Variants in RPL11 observed in about 807,000 individuals in gnomAD.
RPL11 encodes the protein large ribosomal subunit protein uL5.
In RPL11, 3 loss-of-function variants were observed where a neutral mutation model predicts 24.1. That is an observed-to-expected ratio of 0.12 (90% CI 0.06 to 0.32). RPL11 has a LOEUF of 0.32. Ranked by LOEUF, RPL11 falls within the 10% of genes least tolerant of loss-of-function variation. The pLI is 1.00. For missense variants in RPL11, 146 were observed against 225.7 expected, an observed-to-expected ratio of 0.65 and a Z score of 2.26; for synonymous variants, 96 against 75.7, an observed-to-expected ratio of 1.27 and a Z score of -1.39.
intron 1 of RPL11, chr1:23,692,125 CTT>C (rs1644503940): frequency 1.1e-5 from 6 of 554,402 alleles, no homozygotes; most frequent in Middle Eastern, 4.8e-4. Flanking sequence ...GGGTCCGGGC[CTT>C]TTCCTGGTCC....
intron 3 of RPL11, 136 bp from the exon 4 acceptor site, chr1:23,694,524 T>C (rs1209768701): frequency 8.6e-7 from 1 of 1,162,272 alleles, no homozygotes; most frequent in Non-Finnish European, 1.3e-6. Flanking sequence ...GGAAGTCAGG[T>C]TGTGTTCTCA....
chr1:23,691,979 A>G (rs904858251), intron 1 of RPL11, 150 bp downstream of exon 1: 28 of 1,063,832 alleles, frequency 2.6e-5, no homozygotes, highest in Non-Finnish European at 3.9e-5. Flanking sequence ...CGAGCCAAGG[A>G]CGCAGGGTTG....
intron 5 of RPL11, among the ~76,000 whole-genome samples, chr1:23,696,109 A>G (rs1030521816): frequency 1.3e-5 from 2 of 152,168 alleles, no homozygotes; most frequent in Non-Finnish European, 2.9e-5. Flanking sequence ...GTCACCATGA[A>G]TGGGGGTAGA....
chr1:23,694,548 G>T, intron 3 of RPL11, 112 bp from the exon 4 acceptor site: 1 of 1,462,942 alleles, frequency 6.8e-7, no homozygotes, highest in Non-Finnish European at 9.5e-7. Context: ...AAGTTTCATT[G>T]ACTTCTGTTT....
intron 3 of RPL11, among the ~76,000 whole-genome samples, chr1:23,694,371 C>G (rs1557435233): frequency 6.7e-6 from 1 of 150,224 alleles, no homozygotes; most frequent in African/African-American, 2.5e-5. Context: ...GAGTGAGACT[C>G]TTGTCTCAAA....
Position 23,695,842 on chromosome 1 carries a change from G to T in RPL11, c.441G>T (p.Arg147Ser). 3.1e-6 allele frequency: 5 copies of T among 1,601,486 alleles called. No individual in the cohort carries two copies. The highest frequency in any genetic ancestry group is 4.3e-6 in the Non-Finnish European group (5 of 1,174,316). The change falls in exon 5 of 6, where the codon AGG becomes AGT. Residue 147 changes from arginine (R) to serine (S), a missense_variant. Arg to Ser is a moderately radical substitution (Grantham distance 110, BLOSUM62 -1). Transcript: ENST00000643754. Reference sequence around the variant, plus strand: ...TCAGCATCGCAGACAAGAAGCGCAGGACAGGCTGCATTGGGGCCAAACACA... The same window carrying T: ...TCAGCATCGCAGACAAGAAGCGCAGTACAGGCTGCATTGGGGCCAAACACA... ...PGFSIADKKR[R>S]TGCIGAKHRI...
chr1:23,692,351 T>C (rs865873789), intron 1 of RPL11: 16 of 485,510 alleles, frequency 3.3e-5, no homozygotes, highest in Middle Eastern at 5.8e-4. Flanking sequence ...CCTCTTAGGG[T>C]TCGATCTCAG....
chr1:23,692,577 A>C, intron 1 of RPL11, 32 bp from the exon 2 acceptor site: 1 of 1,613,936 alleles, frequency 6.2e-7, no homozygotes, highest in Non-Finnish European at 8.5e-7. Flanking sequence ...CTCAGCTGTG[A>C]GTGTATTGAC....
chr1:23,694,331 T>C (rs1007585856), intron 3 of RPL11, among the ~76,000 whole-genome samples: 4 of 152,098 alleles, frequency 2.6e-5, no homozygotes, highest in African/African-American at 9.7e-5. Context: ...TGAGCTGATA[T>C]TGTGCCACTG....
chr1:23,693,688 TAA>T (rs1474264107), intron 2 of RPL11, 117 bp from the exon 3 acceptor site: 5 of 732,146 alleles, frequency 6.8e-6, no homozygotes, highest in African/African-American at 3.5e-5. Flanking sequence ...CACCACAACT[TAA>T]AAGAGTGTGG....
chr1:23,691,809 TTCCTGCTC>T lies in RPL11; in HGVS notation c.-11_-4del, dbSNP rs775277604. The T allele has an allele frequency of 2.5e-6, 4 of 1,614,136 alleles. No individual in the cohort carries two copies. In the East Asian group the frequency reaches 8.9e-5, roughly 36 times the overall value. On this transcript the variant is annotated 5_prime_UTR_variant, in exon 1 of 6. Transcript: ENST00000643754. ...CCTCGGCCGGAAGCTCCGCTTTCTC[TTCCTGCTC>T]TCCATCATGGCGGTGAGTAGCTGGG...
At chr1:23,696,225 G>A in intron 5 of RPL11, 119 bp from the exon 6 acceptor site, 1 of 969,244 alleles carries the variant, frequency 1.0e-6, no homozygotes, top group Non-Finnish European at 1.6e-6. Flanking sequence ...TCCAGAAAAG[G>A]ATGGGATTCA....
intron 2 of RPL11, among the ~76,000 whole-genome samples, chr1:23,693,431 A>G (rs1372687580): frequency 2.0e-5 from 3 of 152,186 alleles, no homozygotes; most frequent in African/African-American, 4.8e-5. Context: ...TCACCTGTAA[A>G]ATATGGATAA....
At chr1:23,695,004 C>A in intron 4 of RPL11, 1 of 682,064 alleles carries the variant, frequency 1.5e-6, no homozygotes, top group South Asian at 1.7e-5. Context: ...TGTTGGGGAA[C>A]TTGCAGTCGA....
At chr1:23,695,743 C>G (rs1644529375) in intron 4 of RPL11, 55 bp from the exon 5 acceptor site, 2 of 1,461,086 alleles carry the variant, frequency 1.4e-6, no homozygotes, top group East Asian at 2.4e-5. Context: ...TGAGTCTTGT[C>G]CATCTGCTCT....
At chr1:23,694,851 A>T (rs945773634) in intron 4 of RPL11, 60 bp downstream of exon 4, 4 of 1,610,458 alleles carry the variant, frequency 2.5e-6, no homozygotes, top group African/African-American at 2.7e-5. Flanking sequence ...TCTTTATTTC[A>T]TATGTGGTAT....
intron 4 of RPL11, 52 bp from the exon 5 acceptor site, chr1:23,695,746 T>G: frequency 6.7e-7 from 1 of 1,492,544 alleles, no homozygotes; most frequent in Non-Finnish European, 9.1e-7. Context: ...GTCTTGTCCA[T>G]CTGCTCTTGA....
chr1:23,696,280 A>C, intron 5 of RPL11, 64 bp from the exon 6 acceptor site: 1 of 1,460,708 alleles, frequency 6.8e-7, no homozygotes, highest in Non-Finnish European at 9.6e-7. Context: ...CTCAAAAGTT[A>C]GCCATTGCTG....
chr1:23,696,359 C>CT lies in RPL11; in HGVS notation c.525dup (p.Pro176SerfsTer14). On this transcript the variant is annotated frameshift_variant, in exon 6 of 6. Coordinates refer to ENST00000643754, the MANE Select transcript of RPL11 (RefSeq NM_000975.5). LOFTEE classifies it high-confidence loss of function. The stretch of plus-strand genomic sequence containing the variant: ...TCTCTTTCAGTATGATGGGATCATC[C>CT]TTCCTGGCAAATAAATTCCCGTTTC... 1 of 1,614,064 alleles carries CT rather than the reference C, an allele frequency of 6.2e-7. No homozygotes were observed. The highest frequency in any genetic ancestry group is 8.5e-7 in the Non-Finnish European group (1 of 1,179,926).
Sources: gnomAD v4.1 joint callset for allele counts (sites outside exome capture counted in the v4.1 genomes callset) on GRCh38, gnomAD v4.1.1 for gene constraint, MANE v1.5 for transcripts, NCBI Gene and HGNC (gene_info 2026-07-23, HGNC 2026-07-21) for gene names.